Variants in PCDH15 observed in about 807,000 individuals in gnomAD.
The protein encoded by PCDH15 is protocadherin related 15.
In PCDH15, 129 loss-of-function variants were observed where a neutral mutation model predicts 178.5. That is an observed-to-expected ratio of 0.72 (90% CI 0.63 to 0.84). The LOEUF is 0.84. Among genes scored for constraint, PCDH15 ranks in the 40% least tolerant of loss-of-function variants. The probability of loss-of-function intolerance (pLI) is 0.00; values close to 1 mark genes in which losing one functional copy is unlikely to be tolerated. For synonymous variants in PCDH15, 800 were observed against 732.0 expected (o/e 1.09, Z -1.50); for missense variants, 2,230 against 2,099.9 (o/e 1.06, Z -1.21).
At chr10:55,138,705 A>T (rs1205886687) in intron 2 of PCDH15, among the ~76,000 whole-genome samples, 1 of 152,132 alleles carries the variant, frequency 6.6e-6, no homozygotes, top group Non-Finnish European at 1.5e-5. Context: ...AGATGTATAC[A>T]CTTGTAAAAT....
chr10:54,867,249 C>T (rs1591752719), intron 3 of PCDH15, among the ~76,000 whole-genome samples: 1 of 152,132 alleles, frequency 6.6e-6, no homozygotes, highest in African/African-American at 2.4e-5. Context: ...GGATTCAGCA[C>T]CTGGAAAGTT....
intron 1 of PCDH15, among the ~76,000 whole-genome samples, chr10:55,254,590 T>C (rs1841938048): frequency 6.6e-6 from 1 of 152,144 alleles, no homozygotes; most frequent in East Asian, 1.9e-4. Context: ...GAAAAAAATA[T>C]ATATCAAGAT....
At chr10:54,339,339 T>C (rs1190179860) in intron 6 of PCDH15, among the ~76,000 whole-genome samples, 1 of 149,484 alleles carries the variant, frequency 6.7e-6, no homozygotes, top group African/African-American at 2.5e-5. Context: ...CACTCTTACT[T>C]TGTATTACCA....
At chr10:54,679,957 CAT>C (rs1159774045) in intron 1 of PCDH15, among the ~76,000 whole-genome samples, 2 of 152,126 alleles carry the variant, frequency 1.3e-5, no homozygotes, top group East Asian at 1.9e-4. Context: ...GATTTCTATG[CAT>C]ATGTGTATTT....
In PCDH15 at chr10:54,956,282, C is replaced by T. The variant is rs1333048063; in HGVS notation, c.-79-58782G>A. ...ATAACAGGACTTGTCTATTTCAAATCTGTTTGTTGAAATTATATCACATAT... is the reference window on the plus strand; with the variant it reads ...ATAACAGGACTTGTCTATTTCAAATTTGTTTGTTGAAATTATATCACATAT... On this transcript the variant is annotated intron_variant, in intron 2 of 5. Transcript: ENST00000458638. Among the ~76,000 whole-genome samples, 4 of 151,446 alleles carry T rather than the reference C, an allele frequency of 2.6e-5. No homozygotes were observed. In the East Asian group the frequency reaches 7.7e-4, roughly 29 times the overall value.
intron 3 of PCDH15, among the ~76,000 whole-genome samples, chr10:54,499,360 G>A (rs765252531): frequency 1.3e-5 from 2 of 151,942 alleles, no homozygotes; most frequent in Non-Finnish European, 2.9e-5. Flanking sequence ...CAATAACAAT[G>A]GAAAATGCAT....
chr10:55,200,379 T>C (rs1350270806), intron 1 of PCDH15, among the ~76,000 whole-genome samples: 2 of 152,160 alleles, frequency 1.3e-5, no homozygotes, highest in Non-Finnish European at 2.9e-5. Flanking sequence ...GGCCAATTTC[T>C]CCTGTCTGGA....
chr10:54,586,279 A>G (rs1317867020), intron 2 of PCDH15, among the ~76,000 whole-genome samples: 2 of 152,146 alleles, frequency 1.3e-5, no homozygotes, highest in African/African-American at 4.8e-5. Flanking sequence ...GGAGAAGGTA[A>G]GTTTCATTCA....
chr10:54,638,244 ACCAAT>A (rs1335315332), intron 2 of PCDH15, among the ~76,000 whole-genome samples: 1 of 152,126 alleles, frequency 6.6e-6, no homozygotes, highest in East Asian at 1.9e-4. Flanking sequence ...GGATTGGGGT[ACCAAT>A]CTCAGAGAGA....
At chr10:54,662,998 T>C in intron 2 of PCDH15, among the ~76,000 whole-genome samples, 1 of 152,004 alleles carries the variant, frequency 6.6e-6, no homozygotes. Context: ...CAGATGCACT[T>C]GAAGTAAACA....
At chr10:54,421,042 C>T (rs1955212332) in intron 3 of PCDH15, among the ~76,000 whole-genome samples, 1 of 151,952 alleles carries the variant, frequency 6.6e-6, no homozygotes, top group Non-Finnish European at 1.5e-5. Flanking sequence ...ATTATCATAC[C>T]CTATAGCTTT....
chr10:55,343,032 A>T (rs544132153), intron 2 of PCDH15, among the ~76,000 whole-genome samples: 7 of 152,256 alleles, frequency 4.6e-5, no homozygotes, highest in African/African-American at 1.7e-4. Flanking sequence ...GGACACAACA[A>T]AGTGCTTTTC....
chr10:54,642,627 G>A (rs1266439090), intron 2 of PCDH15, among the ~76,000 whole-genome samples: 1 of 152,112 alleles, frequency 6.6e-6, no homozygotes, highest in Non-Finnish European at 1.5e-5. Context: ...ATGAATTACA[G>A]AAAATTCTGT....
chr10:55,086,499 T>C (rs78110656), intron 2 of PCDH15, among the ~76,000 whole-genome samples: 6,160 of 152,156 alleles, frequency 0.04, 300 homozygotes, highest in East Asian at 0.14. Context: ...GTATAAGCGT[T>C]AGCCTATGCC....
rs924148768 is a variant in PCDH15, at chr10:55,604,038, G to A, written c.-156+23587C>T. 3.2e-4 allele frequency among the ~76,000 whole-genome samples: 33 copies of A among 102,294 alleles called. 1 individual carries two copies. The highest frequency in any genetic ancestry group is 1.3e-3 in the African/African-American group (29 of 22,302). The allele number at this position is 102,294 out of a possible 152,430, so 67.1% of individuals were successfully genotyped here. A position where few individuals can be genotyped will look rare whatever the true frequency, so the allele number is the denominator to read the frequency against. ...AGACACACATAGGCTCAAAATAAAAGGATGGAGGAAGATCTACCAACCAAA... is the reference window on the plus strand; with the variant it reads ...AGACACACATAGGCTCAAAATAAAAAGATGGAGGAAGATCTACCAACCAAA... On this transcript the variant is annotated intron_variant, in intron 2 of 5. Transcript: ENST00000613346.
At chr10:55,335,939 T>C (rs1277370017) in intron 2 of PCDH15, among the ~76,000 whole-genome samples, 2 of 151,978 alleles carry the variant, frequency 1.3e-5, no homozygotes, top group Admixed American at 1.3e-4. Flanking sequence ...CTTGGGGTGG[T>C]ACCCATTTTT....
intron 8 of PCDH15, among the ~76,000 whole-genome samples, chr10:54,293,285 T>A (rs1037729622): frequency 6.6e-6 from 1 of 152,092 alleles, no homozygotes; most frequent in African/African-American, 2.4e-5. Context: ...TGAAACTGGA[T>A]CCCTTCCTTA....
intron 15 of PCDH15, among the ~76,000 whole-genome samples, chr10:54,096,138 A>T (rs926224884): frequency 6.6e-6 from 1 of 152,102 alleles, no homozygotes; most frequent in African/African-American, 2.4e-5. Flanking sequence ...TTCATATTCT[A>T]TGCCTTTTGA....
chr10:55,267,277 A>G (rs1842324098), intron 1 of PCDH15, among the ~76,000 whole-genome samples: 1 of 152,192 alleles, frequency 6.6e-6, no homozygotes, highest in Admixed American at 6.5e-5. Context: ...ATCTATCCAT[A>G]TATCTATCTT....
Sources: allele counts gnomAD v4.1 joint callset (sites outside exome capture counted in the v4.1 genomes callset), GRCh38; gene constraint gnomAD v4.1.1; transcripts MANE v1.5; gene names NCBI Gene and HGNC (gene_info 2026-07-23, HGNC 2026-07-21).